The following CSF3R variants were observed in gnomAD, a reference collection of about 807,000 sequenced individuals.
The protein encoded by CSF3R is granulocyte colony-stimulating factor receptor.
A neutral mutation model predicts 84.4 loss-of-function variants in CSF3R; 52 were observed. The observed-to-expected ratio is 0.62, with a 90% CI of 0.49 to 0.78. CSF3R has a LOEUF of 0.78. CSF3R is among the 30% of genes least tolerant of loss of function. The pLI is 0.00. For missense variants in CSF3R, 890 were observed against 1,055.7 expected, an observed-to-expected ratio of 0.84 and a Z score of 2.17; for synonymous variants, 384 against 429.1, an observed-to-expected ratio of 0.89 and a Z score of 1.30.
chr1:36,475,801 G>A (rs1004287729), intron 3 of CSF3R, 128 bp from the exon 4 acceptor site: 32 of 914,302 alleles, frequency 3.5e-5, no homozygotes, highest in Non-Finnish European at 5.0e-5. Context: ...TATGGGGGCT[G>A]GAAATGGAAG....
At chr1:36,479,361 G>C in intron 3 of CSF3R, 72 bp downstream of exon 3, 7 of 1,429,214 alleles carry the variant, frequency 4.9e-6, no homozygotes, top group Non-Finnish European at 6.9e-6. Context: ...ATGTGGCAGT[G>C]CAAGGAAATT....
chr1:36,469,748 C>T lies in CSF3R; in HGVS notation c.1378G>A (p.Val460Met), dbSNP rs758904378. ...GGGGGGCCCAGGCCCCACTCAATCA[C>T]ATAGCCCTGAGGCCATGGATTGGGG... is the stretch of plus-strand genomic sequence containing the variant. ...EPPNPWPQGY[V>M]IEWGLGPPSA... The change falls in exon 11 of 17, where the codon GTG (valine) becomes ATG (methionine). Residue 460 changes from valine to methionine, a missense_variant. Transcript: ENST00000373106. 28 of 1,614,086 alleles carry T rather than the reference C, an allele frequency of 1.7e-5. No individual in the cohort carries two copies. In the Admixed American group the frequency reaches 4.5e-4, roughly 26 times the overall value.
intron 13 of CSF3R, 33 bp downstream of exon 13, chr1:36,468,040 TTC>T: frequency 1.2e-6 from 2 of 1,614,216 alleles, no homozygotes; most frequent in Non-Finnish European, 1.7e-6. Flanking sequence ...CTTCCAGGCC[TTC>T]TGGGGCTGTG....
chr1:36,471,174 T>G (rs1193730872), intron 10 of CSF3R, among the ~76,000 whole-genome samples: 2 of 151,790 alleles, frequency 1.3e-5, no homozygotes, highest in Non-Finnish European at 2.9e-5. Flanking sequence ...GCCTCCGGAG[T>G]AGCTGGGATT....
rs150277708 is a variant in CSF3R at position 36,475,645 on chromosome 1, G to A, written c.93C>T (p.Val31=). The change falls in exon 4 of 17, where the codon GTC becomes GTT. Residue 31 remains valine, a synonymous_variant. Coordinates refer to ENST00000373106, the MANE Select transcript of CSF3R (RefSeq NM_000760.4). ...GSLEECGHIS[V]SAPIVHLGDP... is the part of the protein sequence containing the mutation. Reference sequence around the variant, plus strand: ...CCCCCAGGTGGACGATGGGGGCTGAGACACTGATGTGCCCGCACTCCTCCA... The same window carrying A: ...CCCCCAGGTGGACGATGGGGGCTGAAACACTGATGTGCCCGCACTCCTCCA... The A allele has an allele frequency of 6.7e-5, 108 of 1,607,658 alleles. No individual in the cohort carries two copies. In the African/African-American group the frequency reaches 1.2e-3, roughly 17 times the overall value.
At chr1:36,479,665 G>A (rs763426051) in intron 2 of CSF3R, 149 bp from the exon 3 acceptor site, 16 of 699,714 alleles carry the variant, frequency 2.3e-5, no homozygotes, top group South Asian at 1.8e-4. Context: ...AGCCTATACT[G>A]CATGGGACTT....
intron 3 of CSF3R, among the ~76,000 whole-genome samples, chr1:36,476,659 T>C (rs1452979753): frequency 6.6e-6 from 1 of 152,068 alleles, no homozygotes; most frequent in East Asian, 1.9e-4. Context: ...GTTTTGGTTT[T>C]CTTTTTCTTT....
In CSF3R at chr1:36,466,094, G is replaced by T. The variant is rs1442134337; in HGVS notation, c.*263C>A. On this transcript the variant is annotated 3_prime_UTR_variant, in exon 17 of 17. Transcript: ENST00000373106. This position sits in a 1 kb window ranked among gnomAD's most constrained non-coding sequence, Gnocchi z 4.6. ...AACAAAAACTGCAAACCAAAAACTA[G>T]TTTACAATACTGAAGTTATAGGAAA... The T allele has an allele frequency of 1.2e-6, 2 of 1,614,034 alleles. No homozygotes were observed.
intron 3 of CSF3R, chr1:36,479,128 C>T (rs1489997651): frequency 2.2e-5 from 10 of 450,698 alleles, no homozygotes; most frequent in Non-Finnish European, 4.1e-5. Flanking sequence ...TTGCTGCCCA[C>T]CAAGGCTGCA....
At chr1:36,469,310 T>G (rs1227475498) in intron 11 of CSF3R, 53 bp from the exon 12 acceptor site, 1 of 1,398,842 alleles carries the variant, frequency 7.1e-7, no homozygotes, top group Non-Finnish European at 1.0e-6. Flanking sequence ...CCTGTGCTAA[T>G]GATCAGGAGC....
intron 1 of CSF3R, among the ~76,000 whole-genome samples, chr1:36,482,213 G>C (rs1256724578): frequency 6.6e-6 from 1 of 151,176 alleles, no homozygotes; most frequent in East Asian, 1.9e-4. Context: ...AGACTGAAAC[G>C]ACAGAGAGAC....
chr1:36,475,730 T>C, intron 3 of CSF3R, 57 bp from the exon 4 acceptor site: 3 of 1,538,978 alleles, frequency 1.9e-6, no homozygotes, highest in South Asian at 2.4e-5. Context: ...AGCTGGGCTA[T>C]AATCTAGGCC....
At chr1:36,469,598 A>G in intron 11 of CSF3R, 54 bp downstream of exon 11, 1 of 1,600,968 alleles carries the variant, frequency 6.2e-7, no homozygotes, top group South Asian at 1.1e-5. Flanking sequence ...ATTGTCAGAT[A>G]AGCACTGCCT....
intron 12 of CSF3R, 143 bp from the exon 13 acceptor site, chr1:36,468,364 G>T: frequency 1.2e-6 from 1 of 841,218 alleles, no homozygotes; most frequent in Non-Finnish European, 1.8e-6. Flanking sequence ...TTTTTCCCAG[G>T]GATTTAATCC....
rs149239453 is a variant in CSF3R, at chr1:36,467,925, G to A, written c.1761C>T (p.Leu587=). ...ILNASSRGFV[L]HGLEPASLYH... ...ACAGACTGGCGGGCTCCAGGCCATG[G>A]AGGACAAAGCCACGGGAGGAGGCAT... The change falls in exon 14 of 17, where the codon CTC becomes CTT. Residue 587 remains leucine (L), a synonymous_variant. Transcript: ENST00000373106. This position sits in a 1 kb window ranked among gnomAD's most constrained non-coding sequence, Gnocchi z 4.1. 88 of 1,614,218 alleles carry A rather than the reference G, an allele frequency of 5.5e-5. No individual in the cohort carries two copies. The Middle Eastern group carries it at 8.2e-4, about 15-fold the overall frequency.
intron 9 of CSF3R, 54 bp from the exon 10 acceptor site, chr1:36,471,700 A>G (rs925225727): frequency 1.3e-6 from 2 of 1,584,216 alleles, no homozygotes; most frequent in Admixed American, 3.3e-5. Context: ...TCTTGAGTCA[A>G]GGAGAGCCTC....
chr1:36,466,407 G>C lies in CSF3R; in HGVS notation c.2461C>G (p.Leu821Val), dbSNP rs1191563633. 1.2e-6 allele frequency: 2 copies of C among 1,613,552 alleles called. No homozygotes were observed. Among genetic ancestry groups the C allele is most frequent in the Non-Finnish European group, 1.7e-6 (2 of 1,179,998 alleles). Residue 821 changes from leucine (L) to valine (V), a missense_variant, in exon 17 of 17, where the codon CTC becomes GTC. By Grantham distance (32) the Leu-to-Val change is conservative. Transcript: ENST00000373106. This position sits in a 1 kb window ranked among gnomAD's most constrained non-coding sequence, Gnocchi z 4.6. The part of the protein sequence containing the change: ...CVFGPLLNFP[L>V]LQGIRVHGME... ...CCATGGACCCGGATCCCCTGCAGGA[G>C]GGGGAAGTTGAGCAGTGGCCCAAAG... is the stretch of plus-strand genomic sequence containing the variant.
At chr1:36,482,308 G>GGC (rs1651574581) in intron 1 of CSF3R, among the ~76,000 whole-genome samples, 1 of 150,084 alleles carries the variant, frequency 6.7e-6, no homozygotes, top group African/African-American at 2.4e-5. Flanking sequence ...GAGTGGGCGG[G>GGC]GGGGGGGCAC....
chr1:36,482,503 GAC>G (rs1195792780), intron 1 of CSF3R, among the ~76,000 whole-genome samples: 2 of 152,262 alleles, frequency 1.3e-5, no homozygotes, highest in East Asian at 1.9e-4. Flanking sequence ...GGAACTCACA[GAC>G]ACACACGTCC....
Sources: gnomAD v4.1 joint callset for allele counts (sites outside exome capture counted in the v4.1 genomes callset) on GRCh38, gnomAD v4.1.1 for gene constraint, Gnocchi (gnomAD v3.1) non-coding constraint, MANE v1.5 for transcripts, NCBI Gene and HGNC (gene_info 2026-07-23, HGNC 2026-07-21) for gene names.